The following BMS1 variants were observed in gnomAD, a reference collection of about 807,000 sequenced individuals.
BMS1 encodes BMS1 ribosome biogenesis factor.
Under a neutral mutation model 138.7 loss-of-function variants are expected in BMS1, and 53 were observed. That is an observed-to-expected ratio of 0.38 (90% CI 0.31 to 0.48). The LOEUF (loss-of-function observed/expected upper bound fraction) is 0.48. Ranked by LOEUF, BMS1 falls within the 20% of genes least tolerant of loss-of-function variation. The probability of loss-of-function intolerance (pLI) is 0.97; values close to 1 mark genes in which losing one functional copy is unlikely to be tolerated. For missense variants in BMS1, 1,360 were observed against 1,565.5 expected (o/e 0.87, Z 2.22); for synonymous variants, 504 against 539.9 (o/e 0.93, Z 0.92).
chr10:42,796,486 A>G lies in BMS1; in HGVS notation c.1242A>G (p.Pro414=). Reference sequence around the variant, plus strand: ...CTTGGTAATACAGGCTAATGATGCCAAAGGAGGAAAAACAAATGGACTTGA... The same window carrying G: ...CTTGGTAATACAGGCTAATGATGCCGAAGGAGGAAAAACAAATGGACTTGA... ...EDIDNQGLMM[P]KEEKQMDLNT... The change falls in exon 10 of 23, where the codon CCA becomes CCG. Residue 414 remains proline (P), a synonymous_variant. Coordinates refer to ENST00000374518, the MANE Select transcript of BMS1 (RefSeq NM_014753.4). 6.2e-7 allele frequency: 1 copy of G among 1,612,426 alleles called. No homozygotes were observed. The highest frequency in any genetic ancestry group is 8.5e-7 in the Non-Finnish European group (1 of 1,178,540).
intron 13 of BMS1, among the ~76,000 whole-genome samples, chr10:42,813,167 CCTA>C (rs1263124067): frequency 6.6e-6 from 1 of 152,174 alleles, no homozygotes; most frequent in African/African-American, 2.4e-5. Context: ...TTACTTTCAG[CCTA>C]CTTAGGTCCT....
intron 19 of BMS1, among the ~76,000 whole-genome samples, chr10:42,822,897 G>A (rs1249126922): frequency 1.3e-5 from 2 of 152,188 alleles, no homozygotes; most frequent in Non-Finnish European, 2.9e-5. Flanking sequence ...GCGGTGATGA[G>A]CATGCCCATG....
At chr10:42,819,437 A>G (rs1842439680) in intron 15 of BMS1, among the ~76,000 whole-genome samples, 1 of 152,218 alleles carries the variant, frequency 6.6e-6, no homozygotes, top group African/African-American at 2.4e-5. Context: ...TTTAATGTAA[A>G]TAGCCACTCA....
intron 12 of BMS1, among the ~76,000 whole-genome samples, chr10:42,798,970 T>C (rs1841787799): frequency 6.6e-6 from 1 of 152,208 alleles, no homozygotes; most frequent in African/African-American, 2.4e-5. Context: ...ACATTTATAG[T>C]TTCTGCTATT....
chr10:42,803,951 A>G (rs1277317952), intron 13 of BMS1, among the ~76,000 whole-genome samples: 22 of 152,176 alleles, frequency 1.4e-4, no homozygotes, highest in Admixed American at 1.4e-3. Context: ...GTCACTATTC[A>G]GTAGGTTGTG....
At chr10:42,798,735 G>A (rs1841775687) in intron 12 of BMS1, 110 bp downstream of exon 12, 1 of 1,426,398 alleles carries the variant, frequency 7.0e-7, no homozygotes, top group Non-Finnish European at 9.6e-7. Flanking sequence ...ATTTTTACAG[G>A]ATTACAGGTC....
chr10:42,800,707 T>C (rs1307011202), intron 12 of BMS1, among the ~76,000 whole-genome samples: 1 of 152,006 alleles, frequency 6.6e-6, no homozygotes, highest in African/African-American at 2.4e-5. Context: ...TTTTGCATTT[T>C]TAGTAGAGAT....
chr10:42,817,273 G>A, intron 14 of BMS1, 45 bp from the exon 15 acceptor site: 1 of 1,349,620 alleles, frequency 7.4e-7, no homozygotes, highest in Non-Finnish European at 1.0e-6. Context: ...TTAAAGAAAA[G>A]ACCTTCATAA....
chr10:42,793,117 T>C lies in BMS1; in HGVS notation c.1062T>C (p.Val354=). ...TGTATGACAAAGACGCTGTCTATGT[T>C]GACCTTGGTGGCAGCCACGTTTTTC... ...GVLYDKDAVY[V]DLGGSHVFQD... The change falls in exon 8 of 23, where the codon GTT becomes GTC. Residue 354 remains valine, a synonymous_variant. Coordinates refer to ENST00000374518, the MANE Select transcript of BMS1 (RefSeq NM_014753.4). 1 of 1,610,500 alleles carries C rather than the reference T, an allele frequency of 6.2e-7. No homozygotes were observed. Among genetic ancestry groups the C allele is most frequent in the Non-Finnish European group, 8.5e-7 (1 of 1,178,750 alleles).
rs111400882 is a variant in BMS1, at chr10:42,797,003, G to C, written c.1759G>C (p.Val587Leu). ...TTCTGGGCATTGCACAGCTGAAGAG[G>C]TGTTTGCATCTGAAGATGAATCTGA... ...FDSGHCTAEE[V>L]FASEDESEES... The change falls in exon 10 of 23, where the codon GTG (valine) becomes CTG (leucine). Residue 587 changes from valine to leucine, a missense_variant. By Grantham distance (32) the Val-to-Leu change is conservative. This residue lies in a region of BMS1 where 697 missense variants were observed against 686.2 expected (regional missense o/e 1.02). Coordinates refer to ENST00000374518, the MANE Select transcript of BMS1 (RefSeq NM_014753.4). 1.1e-3 allele frequency: 1,846 copies of C among 1,614,214 alleles called. 19 individuals carry two copies. In the African/African-American group the frequency reaches 0.02, roughly 17 times the overall value.
chr10:42,787,495 A>G lies in BMS1; in HGVS notation c.447+248A>G, dbSNP rs181974530. On this transcript the variant is annotated intron_variant, in intron 4 of 22. Coordinates refer to ENST00000374518, the MANE Select transcript of BMS1 (RefSeq NM_014753.4). The stretch of plus-strand genomic sequence containing the variant: ...TAAAAGCAAATCACAGGATGGAGAA[A>G]ACCTTTAATGAACACAACTAATAAG... 1.1e-3 allele frequency among the ~76,000 whole-genome samples: 172 copies of G among 152,338 alleles called. 1 individual carries two copies. The highest frequency in any genetic ancestry group is 3.8e-3 in the African/African-American group (160 of 41,572).
chr10:42,825,025 T>A (rs1234425649), intron 21 of BMS1, among the ~76,000 whole-genome samples: 1 of 152,196 alleles, frequency 6.6e-6, no homozygotes, highest in Admixed American at 6.5e-5. Context: ...TTCTTTTTTT[T>A]TGAGGCAAAG....
chr10:42,790,842 G>A (rs1445409795), intron 5 of BMS1, among the ~76,000 whole-genome samples: 3 of 151,478 alleles, frequency 2.0e-5, no homozygotes, highest in Non-Finnish European at 2.9e-5. Flanking sequence ...ACAGTGAGAC[G>A]CTTGTCTCAA....
chr10:42,792,342 G>A, intron 6 of BMS1, 151 bp from the exon 7 acceptor site: 2 of 1,034,080 alleles, frequency 1.9e-6, no homozygotes, highest in Non-Finnish European at 2.8e-6. Context: ...TTCCTCTGGT[G>A]GATGGTGAAT....
chr10:42,830,458 A>G (rs113245167), intron 22 of BMS1, 36 bp downstream of exon 22: 2 of 1,570,932 alleles, frequency 1.3e-6, no homozygotes, highest in African/African-American at 1.4e-5. Context: ...CGCTGCGTTT[A>G]GATAGGAAAA....
intron 2 of BMS1, 53 bp downstream of exon 2, chr10:42,784,623 T>G: frequency 2.6e-6 from 4 of 1,541,572 alleles, no homozygotes; most frequent in Non-Finnish European, 3.5e-6. Context: ...TTTTAAATAG[T>G]AGGAGCCTCT....
At chr10:42,825,012 A>C (rs562385479) in intron 21 of BMS1, among the ~76,000 whole-genome samples, 3 of 150,118 alleles carry the variant, frequency 2.0e-5, no homozygotes, top group South Asian at 2.1e-4. Context: ...TTTTTCTTTT[A>C]TTTTCTTTTT....
At chr10:42,815,976 G>A (rs760338375) in intron 13 of BMS1, among the ~76,000 whole-genome samples, 1 of 152,128 alleles carries the variant, frequency 6.6e-6, no homozygotes, top group Admixed American at 6.5e-5. Context: ...ATTCGTTTGG[G>A]GGACACACAT....
chr10:42,819,802 T>G (rs114898272), intron 15 of BMS1, among the ~76,000 whole-genome samples: 11 of 152,300 alleles, frequency 7.2e-5, no homozygotes, highest in African/African-American at 2.4e-4. Flanking sequence ...TTTGGTTTTT[T>G]GTTTTTTGAG....
Sources: allele counts gnomAD v4.1 joint callset (sites outside exome capture counted in the v4.1 genomes callset), GRCh38; gene constraint gnomAD v4.1.1; regional missense constraint gnomAD v4.1.1; transcripts MANE v1.5; gene names NCBI Gene and HGNC (gene_info 2026-07-23, HGNC 2026-07-21).